GRAMD1B: variants seen among roughly 807,000 people sequenced by gnomAD.
GRAMD1B encodes protein Aster-B.
A neutral mutation model predicts 99.7 loss-of-function variants in GRAMD1B; 37 were observed. The ratio of observed to expected loss-of-function variants is 0.37; its 90% confidence interval spans 0.29 to 0.49. The LOEUF is 0.49. Ranked by LOEUF, GRAMD1B falls within the 20% of genes least tolerant of loss-of-function variation. GRAMD1B has a pLI of 0.98. For synonymous variants in GRAMD1B, 427 were observed against 387.6 expected (o/e 1.10, Z -1.19); for missense variants, 888 against 1,009.2 (o/e 0.88, Z 1.63).
At chr11:123,428,678 C>A (rs774553985), upstream of GRAMD1B, among the ~76,000 whole-genome samples, 1 of 152,214 alleles carries the variant, frequency 6.6e-6, no homozygotes, top group Non-Finnish European at 1.5e-5. Flanking sequence ...TCTTGCTGAA[C>A]TGCAGGGATG....
chr11:123,571,829 T>C (rs1483165398), intron 2 of GRAMD1B, among the ~76,000 whole-genome samples: 1 of 152,080 alleles, frequency 6.6e-6, no homozygotes, highest in Non-Finnish European at 1.5e-5. Context: ...AACATTCTCT[T>C]CTCTCCTACC....
At chr11:123,524,116 C>A (rs185590856) in intron 2 of GRAMD1B, among the ~76,000 whole-genome samples, 1 of 151,972 alleles carries the variant, frequency 6.6e-6, no homozygotes, top group Admixed American at 6.6e-5. Context: ...TGTTTTAGTT[C>A]GGTTTGAGTA....
intron 1 of GRAMD1B, among the ~76,000 whole-genome samples, chr11:123,408,736 G>A (rs1331305167): frequency 6.6e-6 from 1 of 152,258 alleles, no homozygotes; most frequent in African/African-American, 2.4e-5. Flanking sequence ...TCACTAGGAT[G>A]TACTGGGACT....
chr11:123,544,498 G>T (rs11219192), intron 2 of GRAMD1B, among the ~76,000 whole-genome samples: 15,583 of 152,196 alleles, frequency 0.1, 870 homozygotes, highest in South Asian at 0.15. Flanking sequence ...CTCTCTTGGA[G>T]CATTCACTCC....
chr11:123,578,112 G>C (rs1592098695), intron 3 of GRAMD1B, among the ~76,000 whole-genome samples: 2 of 152,172 alleles, frequency 1.3e-5, no homozygotes, highest in African/African-American at 2.4e-5. Context: ...GAGTACCGGG[G>C]CCCTTGGCCC....
intron 7 of GRAMD1B, chr11:123,598,204 C>T (rs1427016159): frequency 2.1e-5 from 30 of 1,431,310 alleles, no homozygotes; most frequent in Middle Eastern, 2.4e-4. Flanking sequence ...TTTGGGTCCT[C>T]GGTAGGTGTA....
At chr11:123,471,449 T>TTTTAGGACCAAACA (rs1306415404) in intron 1 of GRAMD1B, among the ~76,000 whole-genome samples, 1 of 152,120 alleles carries the variant, frequency 6.6e-6, no homozygotes, top group African/African-American at 2.4e-5. Context: ...CCGGGAAACA[T>TTTTAGGACCAAACA]TTTAGGACCA....
chr11:123,387,207 A>T (rs1031973672), intron 1 of GRAMD1B, among the ~76,000 whole-genome samples: 4 of 152,204 alleles, frequency 2.6e-5, no homozygotes, highest in African/African-American at 9.7e-5. Context: ...CTGGCATTTT[A>T]AGAAGTATCG....
In GRAMD1B at chr11:123,624,955, T is replaced by A. The variant is rs756547141; in HGVS notation, c.*2360T>A. 2.0e-5 allele frequency: 3 copies of A among 152,010 alleles called. No homozygotes were observed. The highest frequency in any genetic ancestry group is 4.4e-5 in the Non-Finnish European group (3 of 67,988). 9.4% of individuals were successfully genotyped at this position (152,010 alleles called of 1,614,324 possible). On this transcript the variant is annotated 3_prime_UTR_variant, in exon 20 of 20. Coordinates refer to ENST00000635736, the MANE Select transcript of GRAMD1B (RefSeq NM_001387025.1). ...GAGTATGTCAGAAGAGCCCTCCTGG[T>A]TTTTTAGCGATTTGAACCCACTAGA...
At chr11:123,537,479 G>T (rs1591876140) in intron 2 of GRAMD1B, among the ~76,000 whole-genome samples, 1 of 152,158 alleles carries the variant, frequency 6.6e-6, no homozygotes, top group Non-Finnish European at 1.5e-5. Context: ...CAAATTTTGG[G>T]AACTGACCAT....
chr11:123,502,774 C>CAAAAAAAAAAAAA (rs34321315), intron 2 of GRAMD1B, among the ~76,000 whole-genome samples: 3 of 98,516 alleles, frequency 3.0e-5, no homozygotes, highest in African/African-American at 3.9e-5. Context: ...GACTCCATCT[C>CAAAAAAAAAAAAA]AAAAAAAAAA....
At chr11:123,393,766 C>G (rs534720286) in intron 1 of GRAMD1B, among the ~76,000 whole-genome samples, 33 of 152,306 alleles carry the variant, frequency 2.2e-4, no homozygotes, top group African/African-American at 7.9e-4. Context: ...CAGGTCCACC[C>G]TCTTCAATGT....
chr11:123,419,358 G>A (rs940560833), intron 1 of GRAMD1B, among the ~76,000 whole-genome samples: 5 of 152,202 alleles, frequency 3.3e-5, no homozygotes, highest in African/African-American at 1.2e-4. Flanking sequence ...TACTGGACAT[G>A]GTGGTTCATG....
At chr11:123,511,522 T>C (rs1477706877) in intron 2 of GRAMD1B, among the ~76,000 whole-genome samples, 1 of 152,070 alleles carries the variant, frequency 6.6e-6, no homozygotes, top group Non-Finnish European at 1.5e-5. Context: ...GTTAGAGCCA[T>C]TGGGAGTAGA....
At chr11:123,611,168 C>G (rs184444448) in intron 14 of GRAMD1B, among the ~76,000 whole-genome samples, 1 of 151,878 alleles carries the variant, frequency 6.6e-6, no homozygotes, top group African/African-American at 2.4e-5. Flanking sequence ...GACCTTTGTG[C>G]TTCGTGCCTA....
At position 123,402,267 on chromosome 11, in the gene GRAMD1B, C is replaced by T. The variant is rs576062569; in HGVS notation, c.-176+43468C>T. Among the ~76,000 whole-genome samples, 15 of 152,286 alleles carry T rather than the reference C, an allele frequency of 9.8e-5. No homozygotes were observed. The South Asian group carries it at 2.9e-3, about 29-fold the overall frequency. On this transcript the variant is annotated intron_variant, in intron 1 of 20. Coordinates refer to the GRAMD1B transcript ENST00000638157. ...CTGACCTCAGGTGACCTGCCCGCCT[C>T]GGCCTCCCCAAAGTGCTGGGATTAC... is the stretch of plus-strand genomic sequence containing the variant.
intron 1 of GRAMD1B, among the ~76,000 whole-genome samples, chr11:123,362,408 G>A (rs550539185): frequency 3.0e-4 from 46 of 151,764 alleles, no homozygotes; most frequent in Non-Finnish European, 6.6e-4. Flanking sequence ...GTGCAACTCT[G>A]GATCTTCTGG....
Position 123,412,177 on chromosome 11 carries a change from T to C in GRAMD1B, c.-176+53378T>C, listed in dbSNP as rs112776236. Among the ~76,000 whole-genome samples the C allele has an allele frequency of 4.7e-3, 722 of 152,344 alleles. 6 individuals carry two copies. Among genetic ancestry groups the C allele is most frequent in the African/African-American group, 0.016 (675 of 41,576 alleles). ...AGTGGATATATGTTTATATTTGTAA[T>C]TAGTTGCATTTCTTTTTTAGTGGAA... On this transcript the variant is annotated intron_variant, in intron 1 of 20. Coordinates refer to the GRAMD1B transcript ENST00000638157.
chr11:123,466,568 C>T (rs1454725166), intron 1 of GRAMD1B, among the ~76,000 whole-genome samples: 2 of 152,158 alleles, frequency 1.3e-5, no homozygotes, highest in Non-Finnish European at 2.9e-5. Context: ...GAACTTTCTG[C>T]AGCTTTTCAG....
Sources: allele counts gnomAD v4.1 joint callset (sites outside exome capture counted in the v4.1 genomes callset), GRCh38; gene constraint gnomAD v4.1.1; transcripts MANE v1.5; gene names NCBI Gene and HGNC (gene_info 2026-07-23, HGNC 2026-07-21).